Variants in PLXDC2 observed in about 807,000 individuals in gnomAD.
PLXDC2 encodes plexin domain-containing protein 2.
In PLXDC2, 40 loss-of-function variants were observed where a neutral mutation model predicts 68.9. That is an observed-to-expected ratio of 0.58 (90% CI 0.45 to 0.76). PLXDC2 has a LOEUF of 0.76. Ranked by LOEUF, PLXDC2 falls within the 30% of genes least tolerant of loss-of-function variation. The pLI, the probability that PLXDC2 is intolerant of heterozygous loss-of-function variation, is 0.00. For synonymous variants in PLXDC2, 243 were observed against 234.2 expected (o/e 1.04, Z -0.34); for missense variants, 644 against 661.9 (o/e 0.97, Z 0.30).
intron 1 of PLXDC2, among the ~76,000 whole-genome samples, chr10:19,979,089 C>A (rs1056909389): frequency 5.3e-5 from 8 of 152,148 alleles, no homozygotes; most frequent in African/African-American, 1.7e-4. Flanking sequence ...CACAGTAGTT[C>A]TTTAGCCTTA....
At chr10:19,941,809 G>T (rs1206886236) in intron 1 of PLXDC2, among the ~76,000 whole-genome samples, 1 of 151,920 alleles carries the variant, frequency 6.6e-6, no homozygotes, top group Non-Finnish European at 1.5e-5. Context: ...CTCTGCTAAC[G>T]TGTTGAGTTC....
intron 4 of PLXDC2, among the ~76,000 whole-genome samples, chr10:20,095,708 G>T (rs1833340966): frequency 1.3e-5 from 2 of 152,150 alleles, no homozygotes; most frequent in Non-Finnish European, 2.9e-5. Flanking sequence ...ATAGCCTGGT[G>T]CCACTGGATT....
intron 13 of PLXDC2, among the ~76,000 whole-genome samples, chr10:20,252,939 T>A (rs1414422230): frequency 6.6e-6 from 1 of 151,188 alleles, no homozygotes; most frequent in African/African-American, 2.4e-5. Context: ...AACTTGATAA[T>A]AAGTGGCATC....
At chr10:20,095,393 G>A (rs1403727639) in intron 4 of PLXDC2, among the ~76,000 whole-genome samples, 1 of 151,960 alleles carries the variant, frequency 6.6e-6, no homozygotes, top group Non-Finnish European at 1.5e-5. Context: ...GGAAACACAA[G>A]GCAAAGAACA....
chr10:20,151,513 A>G (rs1280057139), intron 6 of PLXDC2, among the ~76,000 whole-genome samples: 2 of 152,182 alleles, frequency 1.3e-5, no homozygotes, highest in South Asian at 2.1e-4. Context: ...TCACAGAGCT[A>G]GTTAAGAATA....
At chr10:20,085,230 T>C (rs1214654269) in intron 4 of PLXDC2, among the ~76,000 whole-genome samples, 2 of 152,110 alleles carry the variant, frequency 1.3e-5, no homozygotes, top group African/African-American at 4.8e-5. Context: ...AATCTTAGTT[T>C]CATAGACTAA....
intron 4 of PLXDC2, among the ~76,000 whole-genome samples, chr10:20,089,412 C>T (rs1833247214): frequency 6.6e-6 from 1 of 152,050 alleles, no homozygotes; most frequent in Admixed American, 6.5e-5. Flanking sequence ...AGGTAAACTG[C>T]ACACATGTGT....
intron 1 of PLXDC2, among the ~76,000 whole-genome samples, chr10:19,934,607 A>G (rs774630102): frequency 9.2e-5 from 14 of 152,202 alleles, no homozygotes; most frequent in African/African-American, 2.2e-4. Flanking sequence ...AAATTCGCCT[A>G]TAATTTGCTG....
At chr10:20,230,693 CAAA>C (rs1191613913) in intron 12 of PLXDC2, among the ~76,000 whole-genome samples, 4 of 37,806 alleles carry the variant, frequency 1.1e-4, no homozygotes, top group Non-Finnish European at 1.5e-4. Context: ...GACCTTGTCT[CAAA>C]AAAAAAAAAA....
At chr10:19,966,558 C>G (rs965104407) in intron 1 of PLXDC2, among the ~76,000 whole-genome samples, 2 of 151,512 alleles carry the variant, frequency 1.3e-5, no homozygotes, top group African/African-American at 2.4e-5. Context: ...TGGGGTAAAG[C>G]AGCAAGTGAA....
At chr10:20,220,180 G>A (rs1360090657) in intron 12 of PLXDC2, among the ~76,000 whole-genome samples, 1 of 152,104 alleles carries the variant, frequency 6.6e-6, no homozygotes, top group Non-Finnish European at 1.5e-5. Flanking sequence ...AATGCAGTAA[G>A]TGAATAGTTT....
intron 1 of PLXDC2, among the ~76,000 whole-genome samples, chr10:19,969,522 A>G (rs1436863624): frequency 6.6e-6 from 1 of 152,204 alleles, no homozygotes; most frequent in Non-Finnish European, 1.5e-5. Flanking sequence ...CGATATTTTC[A>G]AAGCTTTGGG....
intron 1 of PLXDC2, among the ~76,000 whole-genome samples, chr10:19,882,450 G>A (rs965075275): frequency 2.6e-5 from 4 of 152,148 alleles, no homozygotes; most frequent in African/African-American, 9.7e-5. Flanking sequence ...AAAAGCAAAG[G>A]AAGAGGTTAG....
At chr10:20,211,074 A>G (rs992769616) in intron 9 of PLXDC2, among the ~76,000 whole-genome samples, 13 of 152,078 alleles carry the variant, frequency 8.5e-5, no homozygotes, top group African/African-American at 2.4e-5. Context: ...CGAGGTAGAC[A>G]CTCTTAATAG....
chr10:20,071,476 T>C (rs1836314612), intron 4 of PLXDC2, among the ~76,000 whole-genome samples: 1 of 152,170 alleles, frequency 6.6e-6, no homozygotes, highest in African/African-American at 2.4e-5. Context: ...GCTGTTCTCA[T>C]GATTAGTGAA....
intron 3 of PLXDC2, among the ~76,000 whole-genome samples, chr10:20,064,863 G>A (rs997552791): frequency 6.6e-6 from 1 of 150,662 alleles, no homozygotes; most frequent in Non-Finnish European, 1.5e-5. Flanking sequence ...ATGATTCCGG[G>A]CATGTTTTTG....
At chr10:19,919,391 G>T (rs536242920) in intron 1 of PLXDC2, among the ~76,000 whole-genome samples, 373 of 152,222 alleles carry the variant, frequency 2.5e-3, no homozygotes, top group Non-Finnish European at 4.2e-3. Context: ...GCAGCTTGCT[G>T]CCAGAGAATA....
chr10:20,130,263 G>A (rs1185620056), intron 4 of PLXDC2, among the ~76,000 whole-genome samples: 1 of 151,600 alleles, frequency 6.6e-6, no homozygotes, highest in Non-Finnish European at 1.5e-5. Flanking sequence ...TTTAAATTTT[G>A]GTGCTATTGT....
At chr10:20,244,035 G>A (rs1835555307) in intron 12 of PLXDC2, among the ~76,000 whole-genome samples, 1 of 151,938 alleles carries the variant, frequency 6.6e-6, no homozygotes, top group Admixed American at 6.6e-5. Context: ...CTCCAGCCTG[G>A]GCCTGGACGA....
Sources: gnomAD v4.1 joint callset for allele counts (sites outside exome capture counted in the v4.1 genomes callset) on GRCh38, gnomAD v4.1.1 for gene constraint, MANE v1.5 for transcripts, NCBI Gene and HGNC (gene_info 2026-07-23, HGNC 2026-07-21) for gene names.